Variants in GRID2 observed in about 807,000 individuals in gnomAD.
The protein encoded by GRID2 is glutamate ionotropic receptor delta type subunit 2.
In GRID2, 33 loss-of-function variants were observed where a neutral mutation model predicts 114.8. The ratio of observed to expected loss-of-function variants is 0.29; its 90% CI spans 0.22 to 0.38. The LOEUF is 0.38. Ranked by LOEUF, GRID2 falls within the 10% of genes least tolerant of loss-of-function variation. The pLI is 1.00. For missense variants in GRID2, 1,184 were observed against 1,257.7 expected (o/e 0.94, Z 0.89); for synonymous variants, 505 against 449.9 (o/e 1.12, Z -1.55).
At chr4:92,309,188 G>C (rs1725571999) in intron 1 of GRID2, among the ~76,000 whole-genome samples, 1 of 151,924 alleles carries the variant, frequency 6.6e-6, no homozygotes, top group African/African-American at 2.4e-5. Context: ...AAATTGTTAG[G>C]AGTGATGGAA....
At chr4:93,485,835 A>G (rs1166575881) in intron 11 of GRID2, among the ~76,000 whole-genome samples, 1 of 151,660 alleles carries the variant, frequency 6.6e-6, no homozygotes, top group African/African-American at 2.4e-5. Context: ...GTACTTTTGC[A>G]ACTTCATATA....
intron 2 of GRID2, among the ~76,000 whole-genome samples, chr4:92,696,416 T>C (rs1366941685): frequency 6.6e-6 from 1 of 152,190 alleles, no homozygotes; most frequent in Non-Finnish European, 1.5e-5. Context: ...TTTCATCAAA[T>C]CTTGCTCCCA....
intron 2 of GRID2, among the ~76,000 whole-genome samples, chr4:93,051,095 A>G (rs1221725480): frequency 3.3e-5 from 5 of 152,030 alleles, no homozygotes; most frequent in Admixed American, 1.3e-4. Context: ...GACTGCCTCA[A>G]TGTTTGAGGA....
At chr4:92,547,455 T>C (rs987477745) in intron 1 of GRID2, among the ~76,000 whole-genome samples, 2 of 152,172 alleles carry the variant, frequency 1.3e-5, no homozygotes, top group African/African-American at 4.8e-5. Context: ...ACAAACTTAG[T>C]GAGATTTGAA....
At chr4:92,970,495 A>G (rs191526420) in intron 2 of GRID2, among the ~76,000 whole-genome samples, 21 of 152,144 alleles carry the variant, frequency 1.4e-4, no homozygotes, top group African/African-American at 3.6e-4. Context: ...TGATAACTAT[A>G]AAGACAAAAT....
At chr4:93,422,288 G>C (rs1048837336) in intron 9 of GRID2, among the ~76,000 whole-genome samples, 1 of 152,078 alleles carries the variant, frequency 6.6e-6, no homozygotes, top group Non-Finnish European at 1.5e-5. Flanking sequence ...ATAACTCCCA[G>C]TAAATGCGAT....
At chr4:93,088,411 T>G (rs548769363) in intron 3 of GRID2, among the ~76,000 whole-genome samples, 2 of 152,264 alleles carry the variant, frequency 1.3e-5, no homozygotes, top group South Asian at 4.1e-4. Flanking sequence ...AAACATAGTC[T>G]TAGTCTTTAA....
chr4:92,471,407 CT>C (rs1253839106), intron 1 of GRID2, among the ~76,000 whole-genome samples: 9 of 151,986 alleles, frequency 5.9e-5, no homozygotes, highest in Non-Finnish European at 1.3e-4. Flanking sequence ...AGTGGTTAGA[CT>C]GTTGGTAAGT....
intron 2 of GRID2, among the ~76,000 whole-genome samples, chr4:92,960,775 A>T (rs757026773): frequency 1.3e-5 from 2 of 151,656 alleles, no homozygotes; most frequent in Non-Finnish European, 2.9e-5. Context: ...CTTATTTATG[A>T]CTATCTTCTA....
At chr4:92,779,926 G>T (rs1314116794) in intron 2 of GRID2, among the ~76,000 whole-genome samples, 2 of 152,004 alleles carry the variant, frequency 1.3e-5, no homozygotes, top group Non-Finnish European at 2.9e-5. Flanking sequence ...GTCTAGTTTG[G>T]AATAATTAAG....
chr4:92,844,863 C>CT, intron 2 of GRID2, among the ~76,000 whole-genome samples: 2 of 152,116 alleles, frequency 1.3e-5, no homozygotes, highest in Non-Finnish European at 2.9e-5. Flanking sequence ...AGGGTTAATG[C>CT]TTTTTTAAAA....
At chr4:93,288,740 C>T (rs1336975193) in intron 8 of GRID2, among the ~76,000 whole-genome samples, 1 of 152,106 alleles carries the variant, frequency 6.6e-6, no homozygotes, top group South Asian at 2.1e-4. Flanking sequence ...CTAACATATT[C>T]TTGTGAAGGT....
At chr4:92,976,114 A>G (rs1488402117) in intron 2 of GRID2, among the ~76,000 whole-genome samples, 2 of 152,064 alleles carry the variant, frequency 1.3e-5, no homozygotes, top group African/African-American at 4.8e-5. Context: ...CTTCTACTCA[A>G]TCATAGACTG....
intron 1 of GRID2, among the ~76,000 whole-genome samples, chr4:92,312,496 C>T (rs917249313): frequency 8.6e-5 from 13 of 151,930 alleles, no homozygotes; most frequent in Non-Finnish European, 1.9e-4. Context: ...GGGAGAGATC[C>T]AGAGAAAGTA....
At chr4:93,647,096 A>G (rs1430366472) in intron 14 of GRID2, among the ~76,000 whole-genome samples, 2 of 152,152 alleles carry the variant, frequency 1.3e-5, no homozygotes, top group African/African-American at 4.8e-5. Flanking sequence ...TCTGTGTTAG[A>G]TGAAGGACTT....
chr4:93,039,653 G>A (rs945908358), intron 2 of GRID2, among the ~76,000 whole-genome samples: 2 of 152,052 alleles, frequency 1.3e-5, no homozygotes, highest in Non-Finnish European at 1.5e-5. Context: ...TAAGACTGTA[G>A]CCTATTGGAT....
chr4:93,529,589 A>G (rs964870049), intron 13 of GRID2, among the ~76,000 whole-genome samples: 1 of 152,158 alleles, frequency 6.6e-6, no homozygotes, highest in African/African-American at 2.4e-5. Context: ...TTGCCTTCCA[A>G]CTAGAGGATT....
At chr4:93,081,210 A>G (rs1326227397) in intron 2 of GRID2, among the ~76,000 whole-genome samples, 5 of 152,184 alleles carry the variant, frequency 3.3e-5, no homozygotes. Context: ...AATATAAATA[A>G]GTCAGAAAAA....
chr4:93,630,219 G>A (rs779738752), intron 14 of GRID2, among the ~76,000 whole-genome samples: 6 of 152,120 alleles, frequency 3.9e-5, no homozygotes, highest in South Asian at 2.1e-4. Flanking sequence ...AGATGTGTGC[G>A]TGAGTGTGGT....
Sources: allele counts gnomAD v4.1 joint callset (sites outside exome capture counted in the v4.1 genomes callset), GRCh38; gene constraint gnomAD v4.1.1; transcripts MANE v1.5; gene names NCBI Gene and HGNC (gene_info 2026-07-23, HGNC 2026-07-21).